The following TRIM24 variants were observed in gnomAD, a reference collection of about 807,000 sequenced individuals.
TRIM24 encodes the protein transcription intermediary factor 1-alpha.
In TRIM24, 29 loss-of-function variants were observed where a neutral mutation model predicts 123.9. The ratio of observed to expected loss-of-function variants is 0.23; its 90% CI spans 0.17 to 0.32. The LOEUF is 0.32. Ranked by LOEUF, TRIM24 falls within the 10% of genes least tolerant of loss-of-function variation. TRIM24 has a pLI of 1.00. For missense variants in TRIM24, 932 were observed against 1,295.3 expected, an observed-to-expected ratio of 0.72 and a Z score of 4.31; for synonymous variants, 456 against 461.1, an observed-to-expected ratio of 0.99 and a Z score of 0.14.
At chr7:138,522,173 A>T (rs1344263272) in intron 4 of TRIM24, among the ~76,000 whole-genome samples, 1 of 152,030 alleles carries the variant, frequency 6.6e-6, no homozygotes, top group Admixed American at 6.6e-5. Flanking sequence ...AAAATCAGTA[A>T]AGATAGAGAA....
intron 9 of TRIM24, 85 bp from the exon 10 acceptor site, chr7:138,567,396 C>A: frequency 6.7e-5 from 82 of 1,229,446 alleles, no homozygotes; most frequent in East Asian, 8.7e-5. Flanking sequence ...TTCTATTTTT[C>A]TGTAAAAGTT....
Position 138,585,539 on chromosome 7 carries a change from G to T in TRIM24, c.*588G>T, listed in dbSNP as rs1478210256. 2.8e-6 allele frequency: 1 copy of T among 354,248 alleles called. No homozygotes were observed. The highest frequency in any genetic ancestry group is 5.3e-6 in the Non-Finnish European group (1 of 186,988). The allele number at this position is 354,248 out of a possible 1,614,324, so 21.9% of individuals were successfully genotyped here. On this transcript the variant is annotated 3_prime_UTR_variant, in exon 19 of 19. Coordinates refer to ENST00000343526, the MANE Select transcript of TRIM24 (RefSeq NM_015905.3). ...GATGCTATTAAGAAGGCACTTAATA[G>T]TACATCATGTAAGATGGCAACTGTA...
At chr7:138,578,343 G>GAATCTGATTA (rs1797810325) in intron 14 of TRIM24, among the ~76,000 whole-genome samples, 1 of 152,104 alleles carries the variant, frequency 6.6e-6, no homozygotes, top group African/African-American at 2.4e-5. Context: ...ATGCAATCAG[G>GAATCTGATTA]ATATAACCTG....
chr7:138,498,350 G>A (rs375035600), intron 1 of TRIM24, among the ~76,000 whole-genome samples: 5 of 151,482 alleles, frequency 3.3e-5, no homozygotes, highest in Non-Finnish European at 7.4e-5. Context: ...TCAGCCTCCC[G>A]AGTAGCTGGG....
chr7:138,567,920 T>C (rs1797569126), intron 10 of TRIM24, among the ~76,000 whole-genome samples: 1 of 152,180 alleles, frequency 6.6e-6, no homozygotes, highest in Non-Finnish European at 1.5e-5. Context: ...TAGGTGAGTA[T>C]ATTAAATTTC....
chr7:138,534,467 A>T (rs1796820822), intron 6 of TRIM24, among the ~76,000 whole-genome samples: 2 of 152,120 alleles, frequency 1.3e-5, no homozygotes, highest in African/African-American at 2.4e-5. Flanking sequence ...TCATTTTGTT[A>T]TGTACCCAGT....
At chr7:138,532,880 T>C (rs1332180826) in intron 6 of TRIM24, among the ~76,000 whole-genome samples, 1 of 152,210 alleles carries the variant, frequency 6.6e-6, no homozygotes, top group Non-Finnish European at 1.5e-5. Context: ...GTGTCCTCTT[T>C]TATTTTGTTG....
chr7:138,510,486 A>T (rs902899413), intron 2 of TRIM24, among the ~76,000 whole-genome samples: 7 of 152,152 alleles, frequency 4.6e-5, no homozygotes, highest in African/African-American at 1.7e-4. Flanking sequence ...CAGTGGCGCG[A>T]TCTTGGCTCA....
At chr7:138,524,834 C>T (rs1017264134) in intron 4 of TRIM24, among the ~76,000 whole-genome samples, 8 of 151,906 alleles carry the variant, frequency 5.3e-5, no homozygotes, top group African/African-American at 1.9e-4. Flanking sequence ...ATCTTGTGGC[C>T]CCTAGAACAT....
chr7:138,568,700 A>G (rs985231474), intron 10 of TRIM24, among the ~76,000 whole-genome samples: 1 of 151,276 alleles, frequency 6.6e-6, no homozygotes, highest in Non-Finnish European at 1.5e-5. Flanking sequence ...TTATTTATAT[A>G]CTTAGTGTCT....
intron 1 of TRIM24, among the ~76,000 whole-genome samples, chr7:138,489,773 C>T (rs186101526): frequency 6.6e-6 from 1 of 151,968 alleles, no homozygotes; most frequent in African/African-American, 2.4e-5. Flanking sequence ...TCTTTCTGGC[C>T]GCGCTTAACG....
chr7:138,529,087 C>A (rs369628023), intron 5 of TRIM24, 29 bp from the exon 6 acceptor site: 2 of 1,380,614 alleles, frequency 1.4e-6, no homozygotes, highest in African/African-American at 1.5e-5. Context: ...AAAAAACTGC[C>A]TTATGTTTTT....
chr7:138,583,832 A>T lies in TRIM24; in HGVS notation c.2794-18A>T. On this transcript the variant is annotated intron_variant, in intron 17 of 18. Coordinates refer to ENST00000343526, the MANE Select transcript of TRIM24 (RefSeq NM_015905.3). ...GGAATTTAGCTATTTGTATTATAACATCTCATTTTTTTAATAGGTGCCTGA... is the reference window on the plus strand; with the variant it reads ...GGAATTTAGCTATTTGTATTATAACTTCTCATTTTTTTAATAGGTGCCTGA... The T allele has an allele frequency of 6.7e-7, 1 of 1,502,068 alleles. No homozygotes were observed. Among genetic ancestry groups the T allele is most frequent in the Non-Finnish European group, 9.1e-7 (1 of 1,102,304 alleles). The allele number at this position is 1,502,068 out of a possible 1,614,324, so 93.0% of individuals were successfully genotyped here.
intron 1 of TRIM24, among the ~76,000 whole-genome samples, chr7:138,483,210 C>T (rs7782453): frequency 0.44 from 66,017 of 151,568 alleles, 15,140 homozygotes; most frequent in Middle Eastern, 0.49. Context: ...TGCTGGGATC[C>T]TAGGCATTAG....
intron 3 of TRIM24, among the ~76,000 whole-genome samples, chr7:138,515,643 T>G (rs920143332): frequency 1.3e-5 from 2 of 152,208 alleles, no homozygotes; most frequent in African/African-American, 2.4e-5. Flanking sequence ...TTTTTCTTAT[T>G]TTTCTTTTAT....
chr7:138,492,064 G>A lies in TRIM24; in HGVS notation c.365-12226G>A, dbSNP rs530507717. 7.3e-5 allele frequency among the ~76,000 whole-genome samples: 11 copies of A among 151,312 alleles called. No individual in the cohort carries two copies. The East Asian group carries it at 1.9e-3, about 27-fold the overall frequency. On this transcript the variant is annotated intron_variant, in intron 1 of 18. Transcript: ENST00000343526. ...CAGGGTCACTTGAGCCCAGGAGTTCGAGACCAGACTGAGCAACAAAGGGAG... is the reference window on the plus strand; with the variant it reads ...CAGGGTCACTTGAGCCCAGGAGTTCAAGACCAGACTGAGCAACAAAGGGAG...
At chr7:138,508,578 A>T (rs777022607) in intron 2 of TRIM24, among the ~76,000 whole-genome samples, 1 of 152,014 alleles carries the variant, frequency 6.6e-6, no homozygotes, top group Non-Finnish European at 1.5e-5. Flanking sequence ...AGGTCAGTTC[A>T]ATTTTGATTC....
chr7:138,530,241 A>T (rs1310615166), intron 6 of TRIM24, among the ~76,000 whole-genome samples: 2 of 152,074 alleles, frequency 1.3e-5, no homozygotes, highest in African/African-American at 4.8e-5. Context: ...AAAAAAAAAA[A>T]ATTTAAGTAC....
intron 2 of TRIM24, 36 bp downstream of exon 2, chr7:138,504,444 G>GTTTT (rs1563036659): frequency 3.2e-6 from 2 of 624,946 alleles, no homozygotes; most frequent in Admixed American, 3.6e-5. Flanking sequence ...TTGCCTGCCA[G>GTTTT]CTCTTTTTTT....
Sources: allele counts gnomAD v4.1 joint callset (sites outside exome capture counted in the v4.1 genomes callset), GRCh38; gene constraint gnomAD v4.1.1; transcripts MANE v1.5; gene names NCBI Gene and HGNC (gene_info 2026-07-23, HGNC 2026-07-21).